WWOX: variants seen among roughly 807,000 people sequenced by gnomAD.
WWOX encodes WW domain-containing oxidoreductase.
Under a neutral mutation model 46.2 loss-of-function variants are expected in WWOX, and 69 were observed. That is an observed-to-expected ratio of 1.49 (90% CI 1.23 to 1.82). The LOEUF (loss-of-function observed/expected upper bound fraction) is 1.82, where lower values mean the gene tolerates loss of function less well. Among genes scored for constraint, WWOX ranks in the 40% most tolerant of loss-of-function variants. The probability of loss-of-function intolerance (pLI) is 0.00; values close to 1 mark genes in which losing one functional copy is unlikely to be tolerated. For missense variants in WWOX, 919 were observed against 542.6 expected, an observed-to-expected ratio of 1.69 and a Z score of -6.89; for synonymous variants, 359 against 202.6, an observed-to-expected ratio of 1.77 and a Z score of -6.56.
rs1382220730 is a variant in WWOX at position 78,630,001 on chromosome 16, C to A, written c.1056+197249C>A. ...TTGTCCTCCCCACTTCTCTTCCCTG[C>A]CTTCTTTTTTTCTCCTTAGCACTTA... On this transcript the variant is annotated intron_variant, in intron 8 of 8. Transcript: ENST00000566780. Among the ~76,000 whole-genome samples, 5 of 152,176 alleles carry A rather than the reference C, an allele frequency of 3.3e-5. No homozygotes were observed. In the East Asian group the frequency reaches 9.6e-4, roughly 29 times the overall value.
chr16:78,865,884 T>A (rs1337904649), intron 8 of WWOX, among the ~76,000 whole-genome samples: 1 of 152,138 alleles, frequency 6.6e-6, no homozygotes, highest in African/African-American at 2.4e-5. Context: ...TCTCAAAAAA[T>A]AAACAAGAAT....
intron 8 of WWOX, among the ~76,000 whole-genome samples, chr16:78,575,946 A>T (rs1229556751): frequency 1.3e-5 from 2 of 151,160 alleles, no homozygotes; most frequent in Non-Finnish European, 2.9e-5. Flanking sequence ...ATTAAATTTT[A>T]CCCTGTGGAG....
chr16:79,017,767 G>C (rs867933713), intron 8 of WWOX, among the ~76,000 whole-genome samples: 1 of 151,836 alleles, frequency 6.6e-6, no homozygotes, highest in Middle Eastern at 3.4e-3. Flanking sequence ...GGCACGTTTT[G>C]ATATGAATAT....
At chr16:78,414,565 A>AAAACAAAC (rs139710306) in intron 6 of WWOX, among the ~76,000 whole-genome samples, 1 of 152,174 alleles carries the variant, frequency 6.6e-6, no homozygotes. Flanking sequence ...AAACTGTCTT[A>AAAACAAAC]AAACAAACAA....
intron 8 of WWOX, among the ~76,000 whole-genome samples, chr16:78,763,863 T>A (rs2049857814): frequency 6.6e-6 from 1 of 152,092 alleles, no homozygotes; most frequent in Non-Finnish European, 1.5e-5. Flanking sequence ...CCCTGCAGAG[T>A]TTTTGGGGAG....
At chr16:78,222,874 G>A (rs575722118) in intron 5 of WWOX, among the ~76,000 whole-genome samples, 12 of 152,214 alleles carry the variant, frequency 7.9e-5, no homozygotes, top group Admixed American at 3.3e-4. Flanking sequence ...CCCGCTCGCT[G>A]TGGAGCGCCT....
chr16:78,680,123 A>T (rs2047694889), intron 8 of WWOX, among the ~76,000 whole-genome samples: 1 of 152,370 alleles, frequency 6.6e-6, no homozygotes, highest in Admixed American at 6.5e-5. Flanking sequence ...AAGAAAAGGT[A>T]TCTAGGCTGG....
intron 8 of WWOX, among the ~76,000 whole-genome samples, chr16:78,771,542 TGGGC>T (rs1394723911): frequency 6.6e-6 from 1 of 152,014 alleles, no homozygotes; most frequent in Non-Finnish European, 1.5e-5. Context: ...GAGGCTGAGA[TGGGC>T]GGATCACTTG....
intron 8 of WWOX, among the ~76,000 whole-genome samples, chr16:78,755,404 C>T (rs1368032919): frequency 1.3e-5 from 2 of 152,050 alleles, no homozygotes; most frequent in African/African-American, 4.8e-5. Context: ...TTGCTATTCC[C>T]CTGGACCATG....
chr16:78,616,481 G>T (rs1759376869), intron 8 of WWOX, among the ~76,000 whole-genome samples: 1 of 151,092 alleles, frequency 6.6e-6, no homozygotes, highest in South Asian at 2.1e-4. Flanking sequence ...GGCACTAATG[G>T]CCAGGAGTGG....
At chr16:78,261,624 C>G (rs750623038) in intron 5 of WWOX, among the ~76,000 whole-genome samples, 33 of 149,866 alleles carry the variant, frequency 2.2e-4, no homozygotes, top group Non-Finnish European at 4.7e-4. Flanking sequence ...CTGATTGCAA[C>G]TACGTGTTTG....
At chr16:79,112,627 C>G (rs540970288) in intron 8 of WWOX, among the ~76,000 whole-genome samples, 2 of 152,346 alleles carry the variant, frequency 1.3e-5, no homozygotes, top group East Asian at 3.9e-4. Context: ...CACTCTCCCA[C>G]TGCATAAAAG....
chr16:78,161,660 G>T (rs921799542), intron 4 of WWOX, among the ~76,000 whole-genome samples: 1 of 151,960 alleles, frequency 6.6e-6, no homozygotes, highest in East Asian at 1.9e-4. Context: ...TTGCTATGTT[G>T]CCCAAGCTGG....
intron 8 of WWOX, among the ~76,000 whole-genome samples, chr16:78,476,700 G>C (rs1382776057): frequency 6.6e-6 from 1 of 152,112 alleles, no homozygotes; most frequent in Non-Finnish European, 1.5e-5. Flanking sequence ...TGAAAAGTCT[G>C]CTTAAATTAT....
chr16:78,321,302 ACG>A, intron 5 of WWOX, among the ~76,000 whole-genome samples: 1 of 70,240 alleles, frequency 1.4e-5, no homozygotes, highest in Non-Finnish European at 3.0e-5. Context: ...GTATATATAT[ACG>A]TATATATATG....
chr16:78,801,718 C>T (rs763023185), intron 8 of WWOX, among the ~76,000 whole-genome samples: 6 of 152,044 alleles, frequency 3.9e-5, no homozygotes, highest in Non-Finnish European at 7.4e-5. Context: ...GCAGGTGCAC[C>T]CCCATCCTGC....
chr16:79,186,796 A>G (rs2051024854), intron 8 of WWOX, among the ~76,000 whole-genome samples: 1 of 152,112 alleles, frequency 6.6e-6, no homozygotes, highest in Non-Finnish European at 1.5e-5. Context: ...TCTAGTAATG[A>G]GGAAACTGGG....
chr16:78,144,431 A>ATATATATATATATACGTG (rs1307137913), intron 4 of WWOX, among the ~76,000 whole-genome samples: 6 of 14,568 alleles, frequency 4.1e-4, no homozygotes, highest in South Asian at 2.1e-3. Context: ...TGCCATTACT[A>ATATATATATATATACGTG]TATATATATA....
At chr16:78,540,769 C>T (rs1364844545) in intron 8 of WWOX, among the ~76,000 whole-genome samples, 4 of 152,068 alleles carry the variant, frequency 2.6e-5, no homozygotes, top group Non-Finnish European at 5.9e-5. Flanking sequence ...TCATGGTGAC[C>T]TCAAATTCAT....
Sources: gnomAD v4.1 joint callset for allele counts (sites outside exome capture counted in the v4.1 genomes callset) on GRCh38, gnomAD v4.1.1 for gene constraint, MANE v1.5 for transcripts, NCBI Gene and HGNC (gene_info 2026-07-23, HGNC 2026-07-21) for gene names.